PI4K2A: variants seen among roughly 807,000 people sequenced by gnomAD.
PI4K2A encodes the protein phosphatidylinositol 4-kinase type 2 alpha, also known as phosphatidylinositol 4-kinase type 2-alpha.
A neutral mutation model predicts 55.0 loss-of-function variants in PI4K2A; 20 were observed. The observed-to-expected ratio is 0.36, with a 90% CI of 0.26 to 0.53. The LOEUF (loss-of-function observed/expected upper bound fraction) is 0.53. PI4K2A is among the 20% of genes least tolerant of loss of function. The pLI, the probability that PI4K2A is intolerant of heterozygous loss-of-function variation, is 0.91. For missense variants in PI4K2A, 463 were observed against 637.1 expected (o/e 0.73, Z 2.94); for synonymous variants, 235 against 258.5 (o/e 0.91, Z 0.87).
chr10:97,673,667 T>C, exon 9 of PI4K2A: 1 of 1,614,092 alleles, frequency 6.2e-7, no homozygotes, highest in Non-Finnish European at 8.5e-7. Context: ...AGACGGCCCG[T>C]TCCCACCAGC....
chr10:97,646,749 G>T (rs541564072), intron 1 of PI4K2A, among the ~76,000 whole-genome samples: 1 of 152,016 alleles, frequency 6.6e-6, no homozygotes, highest in Non-Finnish European at 1.5e-5. Flanking sequence ...TAGGAACCCC[G>T]CTGGGTTCCA....
rs750579338 is a variant in PI4K2A, at chr10:97,663,650, G to A, written c.984+682G>A. On this transcript the variant is annotated intron_variant, in intron 5 of 8. Coordinates refer to ENST00000370631, the Ensembl canonical transcript of PI4K2A. ...AGCCTGGCCGACATGGTGAAACCCC[G>A]TCTCTATTAAAATGCAAAAATTAGC... 3.3e-5 allele frequency among the ~76,000 whole-genome samples: 5 copies of A among 150,994 alleles called. No individual in the cohort carries two copies. The East Asian group carries it at 5.8e-4, about 18-fold the overall frequency.
intron 8 of PI4K2A, among the ~76,000 whole-genome samples, chr10:97,669,414 C>T (rs2041625236): frequency 6.6e-6 from 1 of 152,084 alleles, no homozygotes; most frequent in African/African-American, 2.4e-5. Flanking sequence ...CAGCTCAGTC[C>T]CTTGCCAACC....
In PI4K2A at chr10:97,660,933, AT is replaced by A. The variant is rs36016508; in HGVS notation, c.923-1961del. ...TTCCTGCTACCCCCATCCCTGCTGG[AT>A]TTTTTTTTTTTTCAACTAAGGCTTT... On this transcript the variant is annotated intron_variant, in intron 4 of 8. Transcript: ENST00000370631. Among the ~76,000 whole-genome samples, 90 of 146,382 alleles carry A rather than the reference AT, an allele frequency of 6.1e-4. 1 individual carries two copies. The highest frequency in any genetic ancestry group is 3.5e-3 in the Middle Eastern group (1 of 286).
chr10:97,667,020 C>G, intron 7 of PI4K2A, 41 bp from the exon 8 acceptor site: 1 of 1,482,462 alleles, frequency 6.7e-7, no homozygotes, highest in Non-Finnish European at 9.4e-7. Flanking sequence ...TCCTGTGAGG[C>G]ATTCACACAG....
At chr10:97,640,703 G>T (rs1042781685) in exon 1 of PI4K2A, 4 of 1,393,526 alleles carry the variant, frequency 2.9e-6, no homozygotes, top group African/African-American at 3.0e-5. Flanking sequence ...GAGCGCAGTG[G>T]TGTGGAGCGC....
chr10:97,669,842 T>G (rs1308685677), intron 8 of PI4K2A, among the ~76,000 whole-genome samples: 3 of 152,152 alleles, frequency 2.0e-5, no homozygotes, highest in Non-Finnish European at 4.4e-5. Flanking sequence ...TTACTCAACT[T>G]AAAGGCTTCT....
exon 9 of PI4K2A, chr10:97,673,944 G>A (rs532988942): frequency 1.8e-5 from 10 of 553,140 alleles, no homozygotes; most frequent in South Asian, 7.3e-5. Context: ...CTTCTGATGT[G>A]GGGGAGGCTG....
intron 2 of PI4K2A, among the ~76,000 whole-genome samples, chr10:97,651,647 G>A (rs1053560491): frequency 6.6e-6 from 1 of 152,150 alleles, no homozygotes; most frequent in African/African-American, 2.4e-5. Context: ...TTATGCTGTC[G>A]AATTTTGGGA....
chr10:97,649,510 C>T (rs539356880), intron 1 of PI4K2A, among the ~76,000 whole-genome samples: 20 of 148,880 alleles, frequency 1.3e-4, no homozygotes, highest in Non-Finnish European at 1.5e-4. Flanking sequence ...GTAGCAGAGT[C>T]TTTTTCCTGC....
chr10:97,640,780 C>A, exon 1 of PI4K2A: 1 of 1,511,460 alleles, frequency 6.6e-7, no homozygotes. Flanking sequence ...CCCGAGCGGG[C>A]CCAACCCCCG....
At chr10:97,674,953 G>T (rs2041655160) in exon 9 of PI4K2A, 1 of 152,956 alleles carries the variant, frequency 6.5e-6, no homozygotes, top group Admixed American at 6.6e-5. Flanking sequence ...GCGCAGCTCA[G>T]TGCGTATCTT....
chr10:97,659,420 T>C (rs547545629), intron 4 of PI4K2A, among the ~76,000 whole-genome samples: 1 of 152,092 alleles, frequency 6.6e-6, no homozygotes, highest in Non-Finnish European at 1.5e-5. Context: ...GTGTGGAAAT[T>C]TTAGGGTTAT....
At chr10:97,642,475 A>T (rs2041475038) in intron 1 of PI4K2A, among the ~76,000 whole-genome samples, 1 of 148,604 alleles carries the variant, frequency 6.7e-6, no homozygotes, top group African/African-American at 2.5e-5. Context: ...ATCTCAGCTC[A>T]CTGCAGCCTC....
chr10:97,669,618 G>A (rs1472092894), intron 8 of PI4K2A, among the ~76,000 whole-genome samples: 2 of 152,194 alleles, frequency 1.3e-5, no homozygotes, highest in Non-Finnish European at 2.9e-5. Flanking sequence ...TATCACTCAT[G>A]TGCTTACTTG....
At chr10:97,648,837 G>C (rs1209237017) in intron 1 of PI4K2A, among the ~76,000 whole-genome samples, 1 of 152,204 alleles carries the variant, frequency 6.6e-6, no homozygotes, top group Non-Finnish European at 1.5e-5. Flanking sequence ...ACTCTAGCTA[G>C]CTGCTTTGCA....
At chr10:97,662,028 CAA>C (rs1223877977) in intron 4 of PI4K2A, among the ~76,000 whole-genome samples, 1 of 150,938 alleles carries the variant, frequency 6.6e-6, no homozygotes, top group Non-Finnish European at 1.5e-5. Flanking sequence ...ATCTTATTTA[CAA>C]TTTGTTTAGA....
At chr10:97,649,349 G>A (rs1000795552) in intron 1 of PI4K2A, among the ~76,000 whole-genome samples, 92 of 152,200 alleles carry the variant, frequency 6.0e-4, no homozygotes, top group Non-Finnish European at 2.5e-4. Context: ...ACTCAGGAGG[G>A]AGGGCCATAG....
chr10:97,649,731 C>G (rs1589932758), intron 1 of PI4K2A, among the ~76,000 whole-genome samples: 1 of 138,468 alleles, frequency 7.2e-6, no homozygotes, highest in Non-Finnish European at 1.5e-5. Flanking sequence ...TCAAGTGATT[C>G]TCCTGCCTCA....
Sources: gnomAD v4.1 joint callset for allele counts (sites outside exome capture counted in the v4.1 genomes callset) on GRCh38, gnomAD v4.1.1 for gene constraint, MANE v1.5 for transcripts, NCBI Gene and HGNC (gene_info 2026-07-23, HGNC 2026-07-21) for gene names.